The following CSMD3 variants were observed in gnomAD, a reference collection of about 807,000 sequenced individuals.
CSMD3 encodes CUB and sushi domain-containing protein 3.
In CSMD3, 177 loss-of-function variants were observed where a neutral mutation model predicts 435.2. That is an observed-to-expected ratio of 0.41 (90% CI 0.36 to 0.46). The LOEUF (loss-of-function observed/expected upper bound fraction) is 0.46. Ranked by LOEUF, CSMD3 falls within the 20% of genes least tolerant of loss-of-function variation. The probability of loss-of-function intolerance (pLI) is 0.34; values close to 1 mark genes in which losing one functional copy is unlikely to be tolerated. For missense variants in CSMD3, 4,265 were observed against 4,504.6 expected, an observed-to-expected ratio of 0.95 and a Z score of 1.52; for synonymous variants, 1,656 against 1,520.5, an observed-to-expected ratio of 1.09 and a Z score of -2.07.
intron 64 of CSMD3, among the ~76,000 whole-genome samples, chr8:112,245,641 G>A (rs578021168): frequency 1.3e-5 from 2 of 152,180 alleles, no homozygotes; most frequent in East Asian, 3.9e-4. Flanking sequence ...GGGTTCAAGC[G>A]ATTCTCCTGC....
At position 112,947,247 on chromosome 8, in the gene CSMD3, C is replaced by A. The variant is rs1009123343; in HGVS notation, c.1508+543G>T. Among the ~76,000 whole-genome samples the A allele has an allele frequency of 2.6e-5, 4 of 151,446 alleles. No individual in the cohort carries two copies. The Admixed American group carries it at 2.6e-4, about 10-fold the overall frequency. ...GCTGCCACAGTATACTATGTAAATT[C>A]TCTAGGTTGTTTAACTTAATTTTAA... On this transcript the variant is annotated intron_variant, in intron 9 of 70. Coordinates refer to ENST00000297405, the MANE Select transcript of CSMD3 (RefSeq NM_198123.2).
chr8:112,337,478 A>G, intron 43 of CSMD3, 65 bp downstream of exon 43: 1 of 1,284,756 alleles, frequency 7.8e-7, no homozygotes. Flanking sequence ...ACAAGTAAAA[A>G]GTGCCAAAAC....
intron 24 of CSMD3, among the ~76,000 whole-genome samples, chr8:112,565,540 G>A (rs1330620212): frequency 6.6e-6 from 1 of 152,074 alleles, no homozygotes; most frequent in Non-Finnish European, 1.5e-5. Flanking sequence ...ATTATTAAAT[G>A]ATTTCAAGCA....
intron 24 of CSMD3, 121 bp from the exon 25 acceptor site, chr8:112,557,075 C>G: frequency 1.5e-6 from 1 of 653,290 alleles, no homozygotes; most frequent in Non-Finnish European, 2.7e-6. Context: ...TCATATTGCC[C>G]TTACCATATT....
At chr8:112,652,303 G>T (rs1217476502) in intron 18 of CSMD3, among the ~76,000 whole-genome samples, 1 of 152,186 alleles carries the variant, frequency 6.6e-6, no homozygotes, top group South Asian at 2.1e-4. Flanking sequence ...ACCTTTAACA[G>T]AAAAGTTTAG....
At chr8:113,254,844 C>T (rs2356204) in intron 3 of CSMD3, among the ~76,000 whole-genome samples, 102,641 of 151,940 alleles carry the variant, frequency 0.68, 36,586 homozygotes, top group East Asian at 0.95. Context: ...ATTTATTTTC[C>T]AGAAACACAC....
At chr8:113,412,970 C>G (rs569004884) in intron 1 of CSMD3, among the ~76,000 whole-genome samples, 1 of 151,964 alleles carries the variant, frequency 6.6e-6, no homozygotes, top group Non-Finnish European at 1.5e-5. Context: ...AACAGCAGTT[C>G]CTATTAGATA....
rs1816657494 is a variant in CSMD3 at position 112,263,687 on chromosome 8, T to C, written c.9814A>G (p.Thr3272Ala). Reference sequence around the variant, plus strand: ...CTCCAGGTACCATTCCCTACACAGGTCAAAACAGCAGGGAAGGATAGCTCA... The same window carrying C: ...CTCCAGGTACCATTCCCTACACAGGCCAAAACAGCAGGGAAGGATAGCTCA... Reference protein sequence around the residue: ...GYELSFPAVLTCVGNGTWSGE... With the variant: ...GYELSFPAVLACVGNGTWSGE... Residue 3272 changes from threonine (T) to alanine (A), a missense_variant, in exon 61 of 71, where the codon ACC becomes GCC. Transcript: ENST00000297405. 1 of 1,613,556 alleles carries C rather than the reference T, an allele frequency of 6.2e-7. No individual in the cohort carries two copies. The highest frequency in any genetic ancestry group is 1.3e-5 in the African/African-American group (1 of 74,848).
intron 5 of CSMD3, among the ~76,000 whole-genome samples, chr8:113,074,181 AC>A (rs2089247257): frequency 6.6e-6 from 1 of 151,724 alleles, no homozygotes; most frequent in Non-Finnish European, 1.5e-5. Context: ...ACACACACAC[AC>A]ACACACACGC....
intron 20 of CSMD3, chr8:112,643,716 C>T (rs1259593921): frequency 1.3e-5 from 2 of 156,808 alleles, no homozygotes; most frequent in Admixed American, 6.6e-5. Flanking sequence ...TAAAGATTGA[C>T]AAAAATCACA....
intron 1 of CSMD3, among the ~76,000 whole-genome samples, chr8:113,366,321 G>C (rs1220772005): frequency 6.6e-6 from 1 of 151,886 alleles, no homozygotes; most frequent in East Asian, 1.9e-4. Context: ...ATCTGGAGGA[G>C]AGACACTGAT....
At chr8:113,119,826 G>A (rs2090936042) in intron 4 of CSMD3, among the ~76,000 whole-genome samples, 1 of 151,990 alleles carries the variant, frequency 6.6e-6, no homozygotes, top group Non-Finnish European at 1.5e-5. Context: ...TTTGATTGGT[G>A]TTCTTAATAA....
At chr8:113,074,458 C>T (rs1303018011) in intron 5 of CSMD3, among the ~76,000 whole-genome samples, 1 of 151,726 alleles carries the variant, frequency 6.6e-6, no homozygotes, top group Non-Finnish European at 1.5e-5. Flanking sequence ...TAAGACAGAC[C>T]TTTCTACCAG....
intron 57 of CSMD3, 149 bp downstream of exon 57, chr8:112,289,216 T>C: frequency 1.4e-6 from 1 of 729,172 alleles, no homozygotes; most frequent in Non-Finnish European, 2.5e-6. Flanking sequence ...ATTCCAGTAA[T>C]GTGTAAGCAG....
rs994689177 is a variant in CSMD3, at chr8:113,017,419, G to A, written c.1030+1648C>T. 4.3e-5 allele frequency among the ~76,000 whole-genome samples: 6 copies of A among 140,072 alleles called. No individual in the cohort carries two copies. The South Asian group carries it at 7.1e-4, about 17-fold the overall frequency. The allele number at this position is 140,072 out of a possible 152,430, so 91.9% of individuals were successfully genotyped here. On this transcript the variant is annotated intron_variant, in intron 6 of 70. Coordinates refer to ENST00000297405, the MANE Select transcript of CSMD3 (RefSeq NM_198123.2). ...TATTGCACAAAACAAATGAAATATC[G>A]CTTAATATTTGAGGTAGGAGATCTA...
At chr8:113,284,461 A>G (rs2093632413) in intron 2 of CSMD3, among the ~76,000 whole-genome samples, 1 of 152,230 alleles carries the variant, frequency 6.6e-6, no homozygotes, top group Non-Finnish European at 1.5e-5. Flanking sequence ...TCTATAGCTT[A>G]AGTAGAGACT....
chr8:112,513,889 A>G (rs577209922), intron 28 of CSMD3, among the ~76,000 whole-genome samples: 15 of 152,274 alleles, frequency 9.9e-5, no homozygotes, highest in African/African-American at 3.4e-4. Context: ...TTTAGAAGGA[A>G]CATTGGTCTT....
intron 35 of CSMD3, among the ~76,000 whole-genome samples, chr8:112,403,611 G>C (rs923537578): frequency 9.2e-5 from 14 of 152,050 alleles, no homozygotes; most frequent in Non-Finnish European, 1.8e-4. Flanking sequence ...ATGGTGGAAG[G>C]CTGAATATGC....
At position 113,173,849 on chromosome 8, in the gene CSMD3, G is replaced by T. The variant is rs762199137; in HGVS notation, c.582C>A (p.Phe194Leu). ...PPKGVLYGTR[F>L]DVGDKIRYSC... The stretch of plus-strand genomic sequence containing the variant: ...TGTAGCGGATCTTGTCCCCGACGTC[G>T]AATCTTGTGCCATATAATACACCTT... The change falls in exon 4 of 71, where the codon TTC becomes TTA. Residue 194 changes from phenylalanine to leucine, a missense_variant. By Grantham distance (22) the Phe-to-Leu change is conservative. Around this residue, in one of 3 missense-constraint regions of CSMD3, gnomAD observed 731 missense variants for 755.4 expected, o/e 0.97. Transcript: ENST00000297405. 2 of 1,613,738 alleles carry T rather than the reference G, an allele frequency of 1.2e-6. No individual in the cohort carries two copies. Among genetic ancestry groups the T allele is most frequent in the Non-Finnish European group, 1.7e-6 (2 of 1,179,790 alleles).
Sources: gnomAD v4.1 joint callset for allele counts (sites outside exome capture counted in the v4.1 genomes callset) on GRCh38, gnomAD v4.1.1 for gene constraint, gnomAD v4.1.1 regional missense constraint, MANE v1.5 for transcripts, NCBI Gene and HGNC (gene_info 2026-07-23, HGNC 2026-07-21) for gene names.